The following DLG1 variants were observed in gnomAD, a reference collection of about 807,000 sequenced individuals.
DLG1 encodes discs large MAGUK scaffold protein 1.
Under a neutral mutation model 123.4 loss-of-function variants are expected in DLG1, and 42 were observed. The ratio of observed to expected loss-of-function variants is 0.34; its 90% CI spans 0.27 to 0.44. DLG1 has a LOEUF of 0.44. DLG1 is among the 20% of genes least tolerant of loss of function. The pLI, the probability that DLG1 is intolerant of heterozygous loss-of-function variation, is 1.00. For synonymous variants in DLG1, 317 were observed against 356.2 expected, an observed-to-expected ratio of 0.89 and a Z score of 1.24; for missense variants, 942 against 1,082.6, an observed-to-expected ratio of 0.87 and a Z score of 1.82.
chr3:197,259,275 TCTC>T (rs749333946), intron 4 of DLG1, among the ~76,000 whole-genome samples: 1 of 152,088 alleles, frequency 6.6e-6, no homozygotes, highest in Non-Finnish European at 1.5e-5. Context: ...AGAGAAGACA[TCTC>T]CTTATAAACA....
At chr3:197,085,782 T>G (rs1388436693) in intron 15 of DLG1, 26 bp from the exon 16 acceptor site, 33 of 1,594,468 alleles carry the variant, frequency 2.1e-5, no homozygotes, top group African/African-American at 2.7e-5. Context: ...AAAAAGTCCA[T>G]AATCACTTGT....
rs542727776 is a variant in DLG1, at chr3:197,093,157, TTTC to T, written c.1547-2134_1547-2132del. Among the ~76,000 whole-genome samples, 451 of 152,140 alleles carry T rather than the reference TTTC, an allele frequency of 3.0e-3. 3 individuals carry two copies. The highest frequency in any genetic ancestry group is 0.011 in the African/African-American group (441 of 41,494). ...ACACAAACATCACAAGCATAATACA[TTTC>T]TTTTCTTTTTGTTTTTTCAGACGGA... On this transcript the variant is annotated intron_variant, in intron 14 of 24. Coordinates refer to ENST00000667157, the MANE Select transcript of DLG1 (RefSeq NM_001366207.1).
rs1770003938 is a variant in DLG1, at chr3:197,282,801, A to G, written c.196T>C (p.Cys66Arg). Residue 66 changes from cysteine to arginine, a missense_variant, in exon 4 of 25, where the codon TGT (cysteine) becomes CGT (arginine). Coordinates refer to ENST00000667157, the MANE Select transcript of DLG1 (RefSeq NM_001366207.1). ...YEVTLLDNPKCIDRSKPSEPI... is the reference protein window; with the variant it reads ...YEVTLLDNPKRIDRSKPSEPI... The stretch of plus-strand genomic sequence containing the variant: ...TCAGACGGCTTTGAACGATCTATAC[A>G]TTTTGGATTATCCAGTAAGGTCACT... 4 of 1,603,056 alleles carry G rather than the reference A, an allele frequency of 2.5e-6. No homozygotes were observed. Among genetic ancestry groups the G allele is most frequent in the Non-Finnish European group, 3.4e-6 (4 of 1,174,372 alleles).
intron 4 of DLG1, among the ~76,000 whole-genome samples, chr3:197,218,859 C>A (rs1189382813): frequency 6.6e-6 from 1 of 152,150 alleles, no homozygotes; most frequent in Non-Finnish European, 1.5e-5. Flanking sequence ...CGGCCGGGTG[C>A]GATGGCTCAC....
At chr3:197,248,605 G>T (rs951296131) in intron 4 of DLG1, among the ~76,000 whole-genome samples, 1 of 152,194 alleles carries the variant, frequency 6.6e-6, no homozygotes, top group Non-Finnish European at 1.5e-5. Context: ...GAAAGCAGGG[G>T]TTTTTATTCC....
chr3:197,130,916 C>T (rs180894444), intron 10 of DLG1, among the ~76,000 whole-genome samples: 2 of 152,262 alleles, frequency 1.3e-5, no homozygotes, highest in Non-Finnish European at 2.9e-5. Flanking sequence ...TTCTCCCAGT[C>T]TTGATTTTCT....
rs1313906072 is a variant in DLG1 at position 197,208,662 on chromosome 3, T to C, written c.319-14073A>G. Among the ~76,000 whole-genome samples, 3 of 141,610 alleles carry C rather than the reference T, an allele frequency of 2.1e-5. 1 individual carries two copies. The South Asian group carries it at 8.6e-4, about 40-fold the overall frequency. 92.9% of individuals were successfully genotyped at this position (141,610 alleles called of 152,430 possible). A position where few individuals can be genotyped will look rare whatever the true frequency, so the allele number is the denominator to read the frequency against. On this transcript the variant is annotated intron_variant, in intron 4 of 24. Transcript: ENST00000667157. ...TGGTGAAAACAAGTCCAGAATAGTA[T>C]AGACTACACTCCTGTGTGTGTGGCG... is the stretch of plus-strand genomic sequence containing the variant.
At chr3:197,072,972 C>T (rs1255664741) in intron 18 of DLG1, among the ~76,000 whole-genome samples, 1 of 152,220 alleles carries the variant, frequency 6.6e-6, no homozygotes, top group Non-Finnish European at 1.5e-5. Context: ...GCTGGGATTA[C>T]AGGCGTGAGT....
chr3:197,264,324 C>T (rs1760784691), intron 4 of DLG1, among the ~76,000 whole-genome samples: 1 of 152,140 alleles, frequency 6.6e-6, no homozygotes, highest in Admixed American at 6.5e-5. Context: ...TTGGGTATCC[C>T]TAATCCAAAA....
At position 197,149,733 on chromosome 3, in the gene DLG1, T is replaced by C; in HGVS notation, c.537+10A>G. 6.4e-7 allele frequency: 1 copy of C among 1,572,834 alleles called. No homozygotes were observed. The highest frequency in any genetic ancestry group is 8.7e-7 in the Non-Finnish European group (1 of 1,142,940). Reference sequence around the variant, plus strand: ...GAATTACTTCAATGTGGGGAGGAAATGGAACTTACGTAAGTTGGTGTTTCC... The same window carrying C: ...GAATTACTTCAATGTGGGGAGGAAACGGAACTTACGTAAGTTGGTGTTTCC... On this transcript the variant is annotated intron_variant, in intron 6 of 24. Transcript: ENST00000667157.
chr3:197,120,132 T>C (rs115876966), intron 11 of DLG1, among the ~76,000 whole-genome samples: 6,298 of 152,018 alleles, frequency 0.041, 180 homozygotes, highest in Non-Finnish European at 0.054. Context: ...CTTGGTGGTG[T>C]GGCCTGTAGT....
chr3:197,045,531 A>G (rs1722343247), intron 24 of DLG1, among the ~76,000 whole-genome samples: 1 of 151,654 alleles, frequency 6.6e-6, no homozygotes, highest in African/African-American at 2.4e-5. Context: ...GCTTGAGGCT[A>G]GGAGTTTGAG....
At chr3:197,232,268 AG>A (rs562421217) in intron 4 of DLG1, among the ~76,000 whole-genome samples, 4 of 149,614 alleles carry the variant, frequency 2.7e-5, no homozygotes, top group Non-Finnish European at 5.9e-5. Flanking sequence ...TGGGAGGCTG[AG>A]GGGGGAAGAC....
intron 11 of DLG1, among the ~76,000 whole-genome samples, chr3:197,127,051 C>A (rs2149495895): frequency 6.6e-6 from 1 of 152,122 alleles, no homozygotes; most frequent in South Asian, 2.1e-4. Context: ...AGAACAAATA[C>A]AGATTTCATT....
At position 197,067,395 on chromosome 3, in the gene DLG1, A is replaced by G. The variant is rs1740319915; in HGVS notation, c.2048-641T>C. ...AACAGTGATAGTAAAGGAGATAAAT[A>G]TATTTGCTTTGACCTTAAAAACACA... On this transcript the variant is annotated intron_variant, in intron 19 of 24. Transcript: ENST00000667157. Among the ~76,000 whole-genome samples, 4 of 152,246 alleles carry G rather than the reference A, an allele frequency of 2.6e-5. No individual in the cohort carries two copies. In the South Asian group the frequency reaches 6.2e-4, roughly 24 times the overall value.
intron 11 of DLG1, among the ~76,000 whole-genome samples, chr3:197,124,952 G>C (rs1481258013): frequency 1.3e-5 from 2 of 151,970 alleles, no homozygotes; most frequent in Non-Finnish European, 2.9e-5. Context: ...AGAGAGAGAA[G>C]GGACAGCTGC....
chr3:197,070,564 C>CTTTTTTTTTTTTTTTTTT (rs1491200833), intron 18 of DLG1: 8 of 44,924 alleles, frequency 1.8e-4, no homozygotes, highest in Non-Finnish European at 3.6e-4. Context: ...CTGGAAATTT[C>CTTTTTTTTTTTTTTTTTT]ATTTTTTTTT....
intron 13 of DLG1, among the ~76,000 whole-genome samples, chr3:197,107,210 A>G (rs919059054): frequency 2.6e-5 from 4 of 152,300 alleles, no homozygotes; most frequent in African/African-American, 7.2e-5. Context: ...CATTCCTTAT[A>G]TTTAGTGGCG....
chr3:197,139,542 C>CA (rs1560976405), intron 8 of DLG1, among the ~76,000 whole-genome samples: 1 of 152,008 alleles, frequency 6.6e-6, no homozygotes, highest in African/African-American at 2.4e-5. Flanking sequence ...TTATGACCCT[C>CA]AAAAAATCAA....
Sources: gnomAD v4.1 joint callset for allele counts (sites outside exome capture counted in the v4.1 genomes callset) on GRCh38, gnomAD v4.1.1 for gene constraint, MANE v1.5 for transcripts, NCBI Gene and HGNC (gene_info 2026-07-23, HGNC 2026-07-21) for gene names.